Variants in SMAD3 observed in about 807,000 individuals in gnomAD.
SMAD3 encodes MAD homolog 3.
In SMAD3, 12 loss-of-function variants were observed where a neutral mutation model predicts 51.8. The ratio of observed to expected loss-of-function variants is 0.23; its 90% CI spans 0.15 to 0.38. The LOEUF (loss-of-function observed/expected upper bound fraction) is 0.38. SMAD3 is among the 10% of genes least tolerant of loss of function. The pLI is 1.00. For synonymous variants in SMAD3, 238 were observed against 227.7 expected, an observed-to-expected ratio of 1.05 and a Z score of -0.41; for missense variants, 294 against 565.6, an observed-to-expected ratio of 0.52 and a Z score of 4.87.
intron 5 of SMAD3, among the ~76,000 whole-genome samples, chr15:67,177,743 T>C (rs1029881356): frequency 6.6e-6 from 1 of 151,872 alleles, no homozygotes; most frequent in African/African-American, 2.4e-5. Context: ...GTTTTTTTTT[T>C]TGTTAAGGAA....
intron 1 of SMAD3, among the ~76,000 whole-genome samples, chr15:67,108,100 T>A (rs1300665634): frequency 6.6e-6 from 1 of 152,136 alleles, no homozygotes; most frequent in East Asian, 1.9e-4. Context: ...ACTCGCCTTG[T>A]CCCTTGGGGT....
rs951277317 is a variant in SMAD3 at position 67,191,244 on chromosome 15, T to C, written c.*708T>C. Reference sequence around the variant, plus strand: ...TTAAAAACTCACTTACGTTTGTCCTTTTTCACTTTGAAAAGTTGGAAGGAT... The same window carrying C: ...TTAAAAACTCACTTACGTTTGTCCTCTTTCACTTTGAAAAGTTGGAAGGAT... On this transcript the variant is annotated 3_prime_UTR_variant, in exon 9 of 9. Transcript: ENST00000327367. 4.3e-6 allele frequency: 1 copy of C among 233,518 alleles called. No individual in the cohort carries two copies. 14.5% of individuals were successfully genotyped at this position (233,518 alleles called of 1,614,324 possible).
intron 7 of SMAD3, among the ~76,000 whole-genome samples, chr15:67,186,473 G>A (rs1215880616): frequency 6.6e-6 from 1 of 152,188 alleles, no homozygotes; most frequent in Admixed American, 6.5e-5. Context: ...GTCCCCAAGA[G>A]AAAGCGACCA....
intron 5 of SMAD3, chr15:67,170,820 G>A (rs998864973): frequency 3.5e-6 from 2 of 567,988 alleles, no homozygotes; most frequent in African/African-American, 3.8e-5. Context: ...CCATATGCCA[G>A]GTTTGTATTT....
chr15:67,141,626 A>T (rs1566981955), intron 1 of SMAD3, among the ~76,000 whole-genome samples: 1 of 152,184 alleles, frequency 6.6e-6, no homozygotes, highest in Admixed American at 6.5e-5. Flanking sequence ...GGCGGCAAAA[A>T]TCACAGAACA....
intron 8 of SMAD3, among the ~76,000 whole-genome samples, chr15:67,188,692 C>T (rs1484093287): frequency 6.6e-6 from 1 of 152,254 alleles, no homozygotes; most frequent in African/African-American, 2.4e-5. Flanking sequence ...GCAAGCTACT[C>T]TCCCTTTCTC....
At chr15:67,085,486 C>T (rs939306926) in intron 1 of SMAD3, among the ~76,000 whole-genome samples, 2 of 152,196 alleles carry the variant, frequency 1.3e-5, no homozygotes, top group Non-Finnish European at 2.9e-5. Flanking sequence ...TTCAGAATCA[C>T]TGTATAGTCA....
rs775966645 is a variant in SMAD3 at position 67,075,443 on chromosome 15, G to C, written c.206+9083G>C. 7.2e-5 allele frequency among the ~76,000 whole-genome samples: 11 copies of C among 152,312 alleles called. 1 individual carries two copies. The highest frequency in any genetic ancestry group is 7.2e-4 in the Admixed American group (11 of 15,302). ...CACATATTACCTGGGGAGCAGGAGA[G>C]GGGGAGGACAGGAAGAGCACAGTTG... On this transcript the variant is annotated intron_variant, in intron 1 of 8. Coordinates refer to ENST00000327367, the MANE Select transcript of SMAD3 (RefSeq NM_005902.4).
rs1248421524 is a variant in SMAD3, at chr15:67,192,813, A to C, written c.*2277A>C. On this transcript the variant is annotated 3_prime_UTR_variant, in exon 9 of 9. Transcript: ENST00000327367. ...AGGTTATGAACTTTGAATGTGATGA[A>C]ATGACACGTTTGGCTGCATTTGGAT... The C allele has an allele frequency of 4.3e-6, 1 of 233,274 alleles. No homozygotes were observed. The highest frequency in any genetic ancestry group is 2.2e-5 in the African/African-American group (1 of 45,362). 14.5% of individuals were successfully genotyped at this position (233,274 alleles called of 1,614,324 possible).
chr15:67,181,471 T>TGGGGCCCCCCCCCCCCCCC lies in SMAD3; in HGVS notation c.871+18_871+19insGGGGCCCCCCCCCCCCCCC. On this transcript the variant is annotated intron_variant, in intron 6 of 8. Coordinates refer to ENST00000327367, the MANE Select transcript of SMAD3 (RefSeq NM_005902.4). ...ACACATCGGTATGGGGTGGCTCCAT[T>TGGGGCCCCCCCCCCCCCCC]CCCCGCCCCCCCACCCTGCCCCTGC... 6.6e-7 allele frequency: 1 copy of TGGGGCCCCCCCCCCCCCCC among 1,521,128 alleles called. No homozygotes were observed. Among genetic ancestry groups the TGGGGCCCCCCCCCCCCCCC allele is most frequent in the Non-Finnish European group, 8.8e-7 (1 of 1,132,030 alleles). The allele number at this position is 1,521,128 out of a possible 1,614,324, so 94.2% of individuals were successfully genotyped here. A position where few individuals can be genotyped will look rare whatever the true frequency, so the allele number is the denominator to read the frequency against.
intron 1 of SMAD3, among the ~76,000 whole-genome samples, chr15:67,137,068 G>A (rs1256133141): frequency 6.6e-6 from 1 of 152,226 alleles, no homozygotes; most frequent in East Asian, 1.9e-4. Flanking sequence ...TAGGCAAGGT[G>A]ACAAGTGCTC....
intron 8 of SMAD3, 124 bp downstream of exon 8, chr15:67,187,633 A>G: frequency 7.8e-7 from 1 of 1,283,336 alleles, no homozygotes; most frequent in South Asian, 1.2e-5. Flanking sequence ...AAGACCAAAG[A>G]TCAGAGAGAG....
In SMAD3 at chr15:67,110,675, G is replaced by A. The variant is rs1205997938; in HGVS notation, c.206+44315G>A. ...ACCCTGGTTGCAAAGTGGGCCTCCT[G>A]CCGTTGAGCAGCTATGGTCCAGTGG... On this transcript the variant is annotated intron_variant, in intron 1 of 8. Transcript: ENST00000327367. Among the ~76,000 whole-genome samples, 4 of 152,244 alleles carry A rather than the reference G, an allele frequency of 2.6e-5. No homozygotes were observed. The South Asian group carries it at 8.3e-4, about 31-fold the overall frequency.
intron 3 of SMAD3, chr15:67,166,241 G>A (rs1962584943): frequency 1.1e-6 from 1 of 928,448 alleles, no homozygotes; most frequent in Non-Finnish European, 1.3e-6. Flanking sequence ...GAGGGCTTCA[G>A]TCAGGGTCTG....
chr15:67,177,540 A>C (rs2140309756), intron 5 of SMAD3, among the ~76,000 whole-genome samples: 1 of 147,072 alleles, frequency 6.8e-6, no homozygotes, highest in Admixed American at 7.2e-5. Context: ...CTCCTGCCTC[A>C]GCCTCCAGAG....
intron 1 of SMAD3, among the ~76,000 whole-genome samples, chr15:67,111,033 G>T (rs1182496373): frequency 6.6e-6 from 1 of 152,178 alleles, no homozygotes. Context: ...GCTCTTTTAA[G>T]GGATATGATT....
intron 1 of SMAD3, among the ~76,000 whole-genome samples, chr15:67,089,659 GAATT>G (rs1454912528): frequency 4.6e-5 from 7 of 152,304 alleles, no homozygotes; most frequent in African/African-American, 1.7e-4. Flanking sequence ...AGAAAAGAAT[GAATT>G]CTTTTCCAAC....
chr15:67,142,151 T>A (rs1245089077), intron 1 of SMAD3, among the ~76,000 whole-genome samples: 1 of 151,448 alleles, frequency 6.6e-6, no homozygotes, highest in Non-Finnish European at 1.5e-5. Flanking sequence ...ACTGTTAGAT[T>A]TTAATTTCCT....
At chr15:67,168,072 G>A (rs2140298265) in intron 4 of SMAD3, among the ~76,000 whole-genome samples, 1 of 152,308 alleles carries the variant, frequency 6.6e-6, no homozygotes, top group East Asian at 1.9e-4. Flanking sequence ...TCCTGCCTCA[G>A]CCTCCCAAGT....
Sources: allele counts gnomAD v4.1 joint callset (sites outside exome capture counted in the v4.1 genomes callset), GRCh38; gene constraint gnomAD v4.1.1; transcripts MANE v1.5; gene names NCBI Gene and HGNC (gene_info 2026-07-23, HGNC 2026-07-21).